The following CLYBL variants were observed in gnomAD, a reference collection of about 807,000 sequenced individuals.
CLYBL encodes citramalyl-CoA lyase, mitochondrial.
Under a neutral mutation model 38.9 loss-of-function variants are expected in CLYBL, and 31 were observed. That is an observed-to-expected ratio of 0.80 (90% CI 0.60 to 1.08). The LOEUF is 1.08. CLYBL is among the 50% of genes least tolerant of loss of function. CLYBL has a pLI of 0.00. For missense variants in CLYBL, 434 were observed against 411.6 expected (o/e 1.05, Z -0.47); for synonymous variants, 171 against 158.6 (o/e 1.08, Z -0.59).
chr13:99,749,853 A>G (rs1032572642), intron 1 of CLYBL, among the ~76,000 whole-genome samples: 1 of 152,218 alleles, frequency 6.6e-6, no homozygotes, highest in African/African-American at 2.4e-5. Flanking sequence ...GTAACCAAAA[A>G]AAAATAGTTC....
intron 1 of CLYBL, among the ~76,000 whole-genome samples, chr13:99,685,676 T>G (rs1288410500): frequency 1.3e-5 from 2 of 152,114 alleles, no homozygotes; most frequent in African/African-American, 2.4e-5. Flanking sequence ...AAGAACCTCT[T>G]AGAGGCCGGG....
intron 1 of CLYBL, among the ~76,000 whole-genome samples, chr13:99,617,535 A>G (rs576717437): frequency 1.6e-4 from 25 of 152,304 alleles, no homozygotes; most frequent in Admixed American, 5.9e-4. Context: ...AGAAAACCCC[A>G]TGCCAAGTGC....
At chr13:99,645,982 G>T (rs1293620446) in intron 1 of CLYBL, among the ~76,000 whole-genome samples, 1 of 152,074 alleles carries the variant, frequency 6.6e-6, no homozygotes, top group Admixed American at 6.6e-5. Context: ...CTTTCCTGTG[G>T]CTGAGAAATT....
chr13:99,805,285 G>A (rs904476835), intron 2 of CLYBL, among the ~76,000 whole-genome samples: 5 of 152,086 alleles, frequency 3.3e-5, no homozygotes, highest in Admixed American at 3.3e-4. Context: ...CCCAGAAGTG[G>A]GATTGCTGGA....
At chr13:99,872,320 A>C (rs570994888) in intron 7 of CLYBL, among the ~76,000 whole-genome samples, 2 of 152,362 alleles carry the variant, frequency 1.3e-5, no homozygotes, top group South Asian at 4.1e-4. Context: ...TCCATTTCCC[A>C]TCAACAGTGG....
intron 2 of CLYBL, among the ~76,000 whole-genome samples, chr13:99,805,846 TC>T (rs1407110030): frequency 6.6e-6 from 1 of 152,194 alleles, no homozygotes; most frequent in Admixed American, 6.5e-5. Flanking sequence ...TTTCCTTTGC[TC>T]CCTTTGCAGC....
chr13:99,892,967 A>G (rs1694420377), downstream of CLYBL: 1 of 152,490 alleles, frequency 6.6e-6, no homozygotes, highest in Non-Finnish European at 1.5e-5. Context: ...ACATGCGGGG[A>G]GCCAGCACCG....
chr13:99,699,215 G>A (rs924639751), intron 1 of CLYBL, among the ~76,000 whole-genome samples: 8 of 151,656 alleles, frequency 5.3e-5, no homozygotes, highest in South Asian at 2.1e-4. Flanking sequence ...GAGAAACCCC[G>A]TCTCTATTAA....
At chr13:99,642,290 A>G (rs1309885965) in intron 1 of CLYBL, among the ~76,000 whole-genome samples, 1 of 152,148 alleles carries the variant, frequency 6.6e-6, no homozygotes, top group Non-Finnish European at 1.5e-5. Flanking sequence ...CACCGAGCAT[A>G]TTCAGTCACC....
intron 1 of CLYBL, among the ~76,000 whole-genome samples, chr13:99,740,961 T>C (rs988739101): frequency 1.3e-5 from 2 of 152,110 alleles, no homozygotes; most frequent in African/African-American, 2.4e-5. Context: ...TAAAGAAATA[T>C]GATATTTATA....
intron 2 of CLYBL, among the ~76,000 whole-genome samples, chr13:99,824,472 T>A (rs2050655267): frequency 6.6e-6 from 1 of 152,120 alleles, no homozygotes; most frequent in African/African-American, 2.4e-5. Context: ...AATAAAACAG[T>A]TAATAGTTGG....
intron 1 of CLYBL, among the ~76,000 whole-genome samples, chr13:99,701,099 A>C (rs1363638731): frequency 6.6e-6 from 1 of 152,194 alleles, no homozygotes; most frequent in Non-Finnish European, 1.5e-5. Flanking sequence ...GAGATGTTGC[A>C]GTGACAGCCT....
At chr13:99,778,332 A>G (rs2049565736) in intron 2 of CLYBL, among the ~76,000 whole-genome samples, 1 of 151,366 alleles carries the variant, frequency 6.6e-6, no homozygotes, top group South Asian at 2.1e-4. Flanking sequence ...AATCCATATT[A>G]AAACTCTTAA....
intron 1 of CLYBL, among the ~76,000 whole-genome samples, chr13:99,771,654 A>G (rs912906372): frequency 6.6e-6 from 1 of 152,190 alleles, no homozygotes; most frequent in Non-Finnish European, 1.5e-5. Context: ...TGGTAAGCCA[A>G]AGGAGCTTCT....
intron 2 of CLYBL, among the ~76,000 whole-genome samples, chr13:99,780,411 C>T (rs2049617247): frequency 6.6e-6 from 1 of 152,094 alleles, no homozygotes. Flanking sequence ...GATGGAGTCT[C>T]GCTCTGTCAC....
chr13:99,676,103 G>A (rs150592829), intron 1 of CLYBL, among the ~76,000 whole-genome samples: 4,498 of 151,938 alleles, frequency 0.03, 237 homozygotes, highest in African/African-American at 0.1. Flanking sequence ...TGATCTGCCC[G>A]CCTCGGCCTC....
At chr13:99,622,102 A>G (rs1435949382) in intron 1 of CLYBL, among the ~76,000 whole-genome samples, 2 of 152,018 alleles carry the variant, frequency 1.3e-5, no homozygotes, top group Non-Finnish European at 2.9e-5. Flanking sequence ...TCTTCTCCCC[A>G]TTGCTGCCAT....
chr13:99,858,343 T>A (rs1177079963), intron 2 of CLYBL, among the ~76,000 whole-genome samples: 1 of 152,192 alleles, frequency 6.6e-6, no homozygotes, highest in African/African-American at 2.4e-5. Flanking sequence ...TTCAACTCAG[T>A]TGCAAAAAAA....
chr13:99,894,626 G>A (rs1042586919), downstream of CLYBL: 1 of 150,112 alleles, frequency 6.7e-6, no homozygotes, highest in Admixed American at 6.7e-5. Flanking sequence ...GCAAAGCCCC[G>A]TCACGGGAAA....
Sources: allele counts gnomAD v4.1 joint callset (sites outside exome capture counted in the v4.1 genomes callset), GRCh38; gene constraint gnomAD v4.1.1; transcripts MANE v1.5; gene names NCBI Gene and HGNC (gene_info 2026-07-23, HGNC 2026-07-21).